The following TENM2 variants were observed in gnomAD, a reference collection of about 807,000 sequenced individuals.
The protein encoded by TENM2 is teneurin-2.
TENM2 carries 52 observed loss-of-function variants against 245.2 expected under a neutral mutation model. That is an observed-to-expected ratio of 0.21 (90% CI 0.17 to 0.27). The LOEUF (loss-of-function observed/expected upper bound fraction) is 0.27, where lower values mean the gene tolerates loss of function less well. Ranked by LOEUF, TENM2 falls within the 10% of genes least tolerant of loss-of-function variation. TENM2 has a pLI of 1.00. For synonymous variants in TENM2, 1,363 were observed against 1,438.9 expected (o/e 0.95, Z 1.19); for missense variants, 3,046 against 3,666.8 (o/e 0.83, Z 4.37).
At chr5:167,419,552 T>G (rs1467399678) in intron 2 of TENM2, among the ~76,000 whole-genome samples, 1 of 152,218 alleles carries the variant, frequency 6.6e-6, no homozygotes, top group Non-Finnish European at 1.5e-5. Flanking sequence ...CCGTTTCACT[T>G]AAGCTTCTGA....
chr5:168,015,021 C>G (rs138965832), intron 5 of TENM2, among the ~76,000 whole-genome samples: 1 of 152,194 alleles, frequency 6.6e-6, no homozygotes, highest in East Asian at 1.9e-4. Flanking sequence ...GCTAAACAAG[C>G]CTGTAACTGA....
chr5:166,999,989 C>G, the TENM2 span, among the ~76,000 whole-genome samples: 1 of 151,970 alleles, frequency 6.6e-6, no homozygotes, highest in Admixed American at 6.6e-5. Flanking sequence ...AGAGGAGACC[C>G]CTGTAAGAGG....
intron 2 of TENM2, among the ~76,000 whole-genome samples, chr5:167,664,840 T>G (rs1418142058): frequency 6.6e-6 from 1 of 152,194 alleles, no homozygotes; most frequent in East Asian, 1.9e-4. Context: ...CATCCCTAAC[T>G]GGGAAAGATC....
chr5:167,410,197 TA>T (rs1343406824), intron 2 of TENM2, among the ~76,000 whole-genome samples: 1 of 151,976 alleles, frequency 6.6e-6, no homozygotes, highest in Non-Finnish European at 1.5e-5. Context: ...ATCAGTATGT[TA>T]AAATATGTTT....
At chr5:167,390,172 G>T (rs560189365) in intron 2 of TENM2, among the ~76,000 whole-genome samples, 48 of 152,300 alleles carry the variant, frequency 3.2e-4, no homozygotes, top group African/African-American at 1.2e-3. Context: ...TGTATTTACG[G>T]AGTTGATTTG....
intron 5 of TENM2, among the ~76,000 whole-genome samples, chr5:168,002,901 T>C (rs1263189613): frequency 1.3e-5 from 2 of 152,220 alleles, no homozygotes; most frequent in African/African-American, 4.8e-5. Flanking sequence ...ATATCCAGGA[T>C]ATTTTTACTT....
At chr5:167,020,323 T>C in the TENM2 span, among the ~76,000 whole-genome samples, 2 of 152,152 alleles carry the variant, frequency 1.3e-5, no homozygotes, top group African/African-American at 2.4e-5. Context: ...TTATAGAATA[T>C]TAAGAATGCT....
intron 2 of TENM2, among the ~76,000 whole-genome samples, chr5:167,561,180 T>C (rs1773563998): frequency 1.3e-5 from 2 of 152,238 alleles, no homozygotes; most frequent in Admixed American, 1.3e-4. Flanking sequence ...AATCATTTCC[T>C]TTGGTACAGA....
chr5:167,582,540 G>C (rs980876295), intron 2 of TENM2, among the ~76,000 whole-genome samples: 1 of 152,132 alleles, frequency 6.6e-6, no homozygotes, highest in Non-Finnish European at 1.5e-5. Flanking sequence ...ATGGTGAAAT[G>C]ATGATAGTCG....
At chr5:167,157,127 C>A in the TENM2 span, among the ~76,000 whole-genome samples, 1 of 152,274 alleles carries the variant, frequency 6.6e-6, no homozygotes, top group African/African-American at 2.4e-5. Context: ...CAATCTGTTA[C>A]AGTAGGAAAA....
chr5:167,558,070 C>A (rs1197191211), intron 2 of TENM2, among the ~76,000 whole-genome samples: 1 of 152,144 alleles, frequency 6.6e-6, no homozygotes, highest in Non-Finnish European at 1.5e-5. Context: ...AAACAGAAAC[C>A]TTCAGTGCTT....
chr5:168,072,001 T>A (rs1175104978), intron 7 of TENM2, among the ~76,000 whole-genome samples: 1 of 152,184 alleles, frequency 6.6e-6, no homozygotes, highest in Non-Finnish European at 1.5e-5. Context: ...TGTGTTTCTG[T>A]TCCTCGTTAG....
At chr5:167,502,300 T>C (rs1014639397) in intron 2 of TENM2, among the ~76,000 whole-genome samples, 4 of 152,184 alleles carry the variant, frequency 2.6e-5, no homozygotes, top group Non-Finnish European at 4.4e-5. Context: ...GAATTAGGAC[T>C]ATAAGCAGCC....
At chr5:167,196,584 G>A in the TENM2 span, among the ~76,000 whole-genome samples, 1 of 140,428 alleles carries the variant, frequency 7.1e-6, no homozygotes, top group African/African-American at 3.1e-5. Context: ...ATATATATAT[G>A]CTTTCTTACA....
chr5:168,093,071 A>T (rs1182593666), intron 8 of TENM2, among the ~76,000 whole-genome samples: 1 of 152,214 alleles, frequency 6.6e-6, no homozygotes, highest in Non-Finnish European at 1.5e-5. Context: ...TGAAATCAGG[A>T]TTCATACTTT....
intron 5 of TENM2, among the ~76,000 whole-genome samples, chr5:168,040,451 G>C (rs780413830): frequency 7.2e-5 from 11 of 152,256 alleles, no homozygotes; most frequent in African/African-American, 2.2e-4. Context: ...GAACATTCTC[G>C]GGAGATAGGT....
the TENM2 span, among the ~76,000 whole-genome samples, chr5:167,179,940 G>A: frequency 6.6e-6 from 1 of 152,136 alleles, no homozygotes; most frequent in Admixed American, 6.5e-5. Flanking sequence ...TGAGACAACA[G>A]AGCAGACGTG....
At chr5:167,318,373 T>C (rs1255391288) in intron 1 of TENM2, among the ~76,000 whole-genome samples, 1 of 152,050 alleles carries the variant, frequency 6.6e-6, no homozygotes, top group Non-Finnish European at 1.5e-5. Flanking sequence ...GTTACTACAA[T>C]AACTTGGATT....
At chr5:167,515,756 T>A (rs955248129) in intron 2 of TENM2, among the ~76,000 whole-genome samples, 1 of 142,652 alleles carries the variant, frequency 7.0e-6, no homozygotes, top group Non-Finnish European at 1.5e-5. Flanking sequence ...AGCTCCACCC[T>A]CCGGGTTCAT....
Sources: gnomAD v4.1 joint callset for allele counts (sites outside exome capture counted in the v4.1 genomes callset) on GRCh38, gnomAD v4.1.1 for gene constraint, MANE v1.5 for transcripts, NCBI Gene and HGNC (gene_info 2026-07-23, HGNC 2026-07-21) for gene names.